VPS4B: variants seen among roughly 807,000 people sequenced by gnomAD.
The protein encoded by VPS4B is vacuolar protein sorting 4 homolog B, also known as vacuolar protein sorting-associated protein 4B.
A neutral mutation model predicts 56.1 loss-of-function variants in VPS4B; 23 were observed. The observed-to-expected ratio is 0.41, with a 90% confidence interval of 0.30 to 0.58. The LOEUF (loss-of-function observed/expected upper bound fraction) is 0.58. VPS4B is among the 20% of genes least tolerant of loss of function. The pLI, the probability that VPS4B is intolerant of heterozygous loss-of-function variation, is 0.29. For missense variants in VPS4B, 372 were observed against 531.9 expected, an observed-to-expected ratio of 0.70 and a Z score of 2.96; for synonymous variants, 177 against 186.0, an observed-to-expected ratio of 0.95 and a Z score of 0.39.
At chr18:63,413,517 C>A (rs923542082) in intron 1 of VPS4B, among the ~76,000 whole-genome samples, 1 of 135,370 alleles carries the variant, frequency 7.4e-6, no homozygotes, top group East Asian at 2.1e-4. Flanking sequence ...CCAGCCTGGG[C>A]AACAGAGTGA....
intron 1 of VPS4B, among the ~76,000 whole-genome samples, chr18:63,414,675 T>C (rs1916123792): frequency 6.6e-6 from 1 of 152,186 alleles, no homozygotes; most frequent in Admixed American, 6.5e-5. Context: ...CCTCAGGTGA[T>C]ACACCTGCCT....
At chr18:63,413,803 C>G (rs76222769) in intron 1 of VPS4B, among the ~76,000 whole-genome samples, 5,082 of 152,182 alleles carry the variant, frequency 0.033, 109 homozygotes, top group East Asian at 0.1. Flanking sequence ...TTGGATATAA[C>G]TGGGCTGAGA....
At chr18:63,401,756 G>A (rs1915815383) in intron 5 of VPS4B, among the ~76,000 whole-genome samples, 1 of 152,168 alleles carries the variant, frequency 6.6e-6, no homozygotes. Flanking sequence ...ACTTTGAGAG[G>A]CTGAGATGGG....
chr18:63,398,468 C>T (rs1037995077), intron 8 of VPS4B, among the ~76,000 whole-genome samples: 3 of 151,790 alleles, frequency 2.0e-5, no homozygotes, highest in African/African-American at 7.3e-5. Context: ...AATCTGCCTA[C>T]CTTGGTTTCC....
At chr18:63,396,019 T>C (rs1315055518) in intron 9 of VPS4B, among the ~76,000 whole-genome samples, 8 of 152,128 alleles carry the variant, frequency 5.3e-5, no homozygotes, top group Non-Finnish European at 4.4e-5. Context: ...AATGAAATAG[T>C]AAGATAAAAG....
At chr18:63,420,956 T>C (rs1308731434) in intron 1 of VPS4B, among the ~76,000 whole-genome samples, 1 of 150,258 alleles carries the variant, frequency 6.7e-6, no homozygotes. Context: ...GAGAATCGCT[T>C]GAACCTGGGA....
Position 63,407,471 on chromosome 18 carries a change from C to G in VPS4B, c.325G>C (p.Asp109His), listed in dbSNP as rs1263202433. 1.2e-6 allele frequency: 2 copies of G among 1,610,050 alleles called. No homozygotes were observed. The highest frequency in any genetic ancestry group is 4.5e-5 in the East Asian group (2 of 44,716). The change falls in exon 4 of 11, where the codon GAT becomes CAT. Residue 109 changes from aspartate to histidine, a missense_variant. By Grantham distance (81) the Asp-to-His change is moderately conservative. This residue lies in a region of VPS4B where 153 missense variants were observed against 190.3 expected (regional missense o/e 0.80). Transcript: ENST00000238497. ...GNDSDGEGES[D>H]DPEKKKLQNQ... ...TGTAGTTTCTTTTTTTCAGGATCATCAGATTCTCCTTCCCCATCACTGTCA... is the reference window on the plus strand; with the variant it reads ...TGTAGTTTCTTTTTTTCAGGATCATGAGATTCTCCTTCCCCATCACTGTCA...
At chr18:63,396,796 C>T (rs1224821273) in intron 9 of VPS4B, 4 of 440,054 alleles carry the variant, frequency 9.1e-6, no homozygotes, top group Non-Finnish European at 1.6e-5. Flanking sequence ...CGAGACCAGC[C>T]TGGCCAACAT....
In VPS4B at chr18:63,397,206, G is replaced by A; in HGVS notation, c.920C>T (p.Ala307Val). The A allele has an allele frequency of 6.2e-7, 1 of 1,613,866 alleles. No individual in the cohort carries two copies. The highest frequency in any genetic ancestry group is 8.5e-7 in the Non-Finnish European group (1 of 1,179,948). Residue 307 changes from alanine to valine, a missense_variant, in exon 9 of 11, where the codon GCA becomes GTA. By Grantham distance (64) the Ala-to-Val change is moderately conservative (BLOSUM62 0). Coordinates refer to ENST00000238497, the MANE Select transcript of VPS4B (RefSeq NM_004869.4). ...YIPLPEPHAR[A>V]AMFKLHLGTT... ...CCCTAGGTGCAGTTTAAACATTGCT[G>A]CTCGGGCATGGGGTTCCGGCAAGGG...
At position 63,390,999 on chromosome 18, in the gene VPS4B, T is replaced by C; in HGVS notation, c.1311A>G (p.Thr437=). ...CTTAGCCTTCTTGACCAAAATCTTC[T>C]GTAAACTTCTTTAATTTCAACAAGT... ...EHDLLKLKKF[T]EDFGQEG The change falls in exon 11 of 11, where the codon ACA becomes ACG. Residue 437 remains threonine (T), a synonymous_variant. Coordinates refer to ENST00000238497, the MANE Select transcript of VPS4B (RefSeq NM_004869.4). 1.2e-6 allele frequency: 2 copies of C among 1,613,350 alleles called. No individual in the cohort carries two copies. The highest frequency in any genetic ancestry group is 1.1e-5 in the South Asian group (1 of 91,060).
At chr18:63,421,485 A>G (rs1841178624) in intron 1 of VPS4B, among the ~76,000 whole-genome samples, 1 of 152,178 alleles carries the variant, frequency 6.6e-6, no homozygotes, top group Non-Finnish European at 1.5e-5. Flanking sequence ...GCCACATTAC[A>G]TTCTAAACGC....
Position 63,399,252 on chromosome 18 carries a change from T to C in VPS4B, c.862A>G (p.Ile288Val). Residue 288 changes from isoleucine to valine, a missense_variant, in exon 8 of 11, where the codon ATT (isoleucine) becomes GTT (valine). Transcript: ENST00000238497. The stretch of plus-strand genomic sequence containing the variant: ...ACTATATTATCCTACCTTCGCCTAA[T>C]GGCAGAATCCAGAACCCAGGGTATA... ...TNIPWVLDSA[I>V]RRRFEKRIYI... The C allele has an allele frequency of 6.2e-7, 1 of 1,613,828 alleles. No individual in the cohort carries two copies. Among genetic ancestry groups the C allele is most frequent in the Non-Finnish European group, 8.5e-7 (1 of 1,179,724 alleles).
intron 1 of VPS4B, chr18:63,415,523 G>A: frequency 6.8e-6 from 2 of 292,424 alleles, no homozygotes; most frequent in Non-Finnish European, 1.4e-5. Flanking sequence ...CCCTGGGTCA[G>A]GTTCCTTTTC....
At chr18:63,415,254 T>C (rs1199465090) in intron 1 of VPS4B, 1 of 152,708 alleles carries the variant, frequency 6.5e-6, no homozygotes, top group Non-Finnish European at 1.5e-5. Flanking sequence ...GGAGAGCTAA[T>C]TATTTTATTT....
intron 1 of VPS4B, among the ~76,000 whole-genome samples, chr18:63,414,277 G>A (rs1916113798): frequency 6.6e-6 from 1 of 151,584 alleles, no homozygotes; most frequent in Non-Finnish European, 1.5e-5. Flanking sequence ...GGCTGAGTCA[G>A]GAGAATCGCT....
intron 3 of VPS4B, among the ~76,000 whole-genome samples, chr18:63,408,358 G>A (rs1044800881): frequency 6.6e-6 from 1 of 152,196 alleles, no homozygotes; most frequent in Non-Finnish European, 1.5e-5. Flanking sequence ...TCATAGGACG[G>A]TGGGGCTGTG....
At chr18:63,396,974 A>G in intron 9 of VPS4B, 60 bp downstream of exon 9, 1 of 1,531,184 alleles carries the variant, frequency 6.5e-7, no homozygotes, top group South Asian at 1.1e-5. Context: ...TGGGCAACAG[A>G]GTGAGACTGT....
chr18:63,400,309 G>A, intron 6 of VPS4B, 113 bp from the exon 7 acceptor site: 2 of 1,231,080 alleles, frequency 1.6e-6, no homozygotes, highest in Admixed American at 3.1e-5. Flanking sequence ...CATGTTTCAG[G>A]TACAGAAAAT....
intron 1 of VPS4B, among the ~76,000 whole-genome samples, chr18:63,418,411 T>A (rs1389124207): frequency 2.0e-5 from 3 of 151,882 alleles, no homozygotes; most frequent in African/African-American, 7.3e-5. Flanking sequence ...CTTCTAGTTT[T>A]AGTATTTTTT....
Sources: gnomAD v4.1 joint callset for allele counts (sites outside exome capture counted in the v4.1 genomes callset) on GRCh38, gnomAD v4.1.1 for gene constraint, gnomAD v4.1.1 regional missense constraint, MANE v1.5 for transcripts, NCBI Gene and HGNC (gene_info 2026-07-23, HGNC 2026-07-21) for gene names.